Variants in AGMO observed in about 807,000 individuals in gnomAD.
The protein encoded by AGMO is alkylglycerol monooxygenase.
A neutral mutation model predicts 60.2 loss-of-function variants in AGMO; 75 were observed. That is an observed-to-expected ratio of 1.25 (90% CI 1.03 to 1.51). The LOEUF (loss-of-function observed/expected upper bound fraction) is 1.51. AGMO is among the 40% of genes most tolerant of loss of function. AGMO has a pLI of 0.00. For missense variants in AGMO, 763 were observed against 525.5 expected (o/e 1.45, Z -4.42); for synonymous variants, 261 against 177.1 (o/e 1.47, Z -3.76).
intron 3 of AGMO, among the ~76,000 whole-genome samples, chr7:15,450,301 T>A (rs1265636642): frequency 6.6e-6 from 1 of 151,258 alleles, no homozygotes; most frequent in African/African-American, 2.4e-5. Context: ...GCGCATGTAG[T>A]CCCAGCGACT....
intron 5 of AGMO, among the ~76,000 whole-genome samples, chr7:15,405,353 C>G (rs1465742071): frequency 6.6e-6 from 1 of 151,872 alleles, no homozygotes; most frequent in African/African-American, 2.4e-5. Context: ...TTATTATCCT[C>G]AAGATGTTTA....
intron 12 of AGMO, among the ~76,000 whole-genome samples, chr7:15,354,384 GTGTGTGT>G (rs1782394137): frequency 2.0e-4 from 1 of 4,970 alleles, no homozygotes; most frequent in Non-Finnish European, 4.7e-4. Context: ...GTGTATACAC[GTGTGTGT>G]ATACACGTGT....
At chr7:15,530,791 TAC>T (rs1784294425) in intron 3 of AGMO, among the ~76,000 whole-genome samples, 2 of 116,930 alleles carry the variant, frequency 1.7e-5, no homozygotes, top group African/African-American at 7.8e-5. Context: ...ATTCTATATA[TAC>T]ATTTCTCTAT....
chr7:15,126,747 G>A, the AGMO span, among the ~76,000 whole-genome samples: 2 of 152,092 alleles, frequency 1.3e-5, no homozygotes, highest in Non-Finnish European at 2.9e-5. Flanking sequence ...ACCCTGCAAA[G>A]CTGTCCCTTG....
intron 3 of AGMO, among the ~76,000 whole-genome samples, chr7:15,511,970 A>G (rs1783685562): frequency 6.6e-6 from 1 of 151,160 alleles, no homozygotes; most frequent in Non-Finnish European, 1.5e-5. Context: ...CTCCAGAATC[A>G]TGGGGAAATA....
At chr7:15,485,331 A>C (rs572819806) in intron 3 of AGMO, among the ~76,000 whole-genome samples, 1 of 152,176 alleles carries the variant, frequency 6.6e-6, no homozygotes, top group South Asian at 2.1e-4. Context: ...AAAAAGAAAA[A>C]AAGAAAAATG....
chr7:15,368,177 G>C (rs1221222837), intron 10 of AGMO, among the ~76,000 whole-genome samples: 1 of 151,888 alleles, frequency 6.6e-6, no homozygotes, highest in Non-Finnish European at 1.5e-5. Context: ...GATACAGGAT[G>C]GGTGAGTCAG....
At chr7:15,173,823 CT>C in the AGMO span, among the ~76,000 whole-genome samples, 67 of 143,944 alleles carry the variant, frequency 4.7e-4, no homozygotes, top group South Asian at 2.2e-3. Flanking sequence ...GTATTTCTTT[CT>C]TTTTTTTTTC....
intron 3 of AGMO, among the ~76,000 whole-genome samples, chr7:15,477,522 TAA>T (rs769722823): frequency 2.0e-5 from 3 of 152,122 alleles, no homozygotes; most frequent in Non-Finnish European, 4.4e-5. Flanking sequence ...ATAGAATTTT[TAA>T]AAGTTTCTTA....
intron 3 of AGMO, among the ~76,000 whole-genome samples, chr7:15,494,287 C>A (rs1215013499): frequency 6.6e-6 from 1 of 152,280 alleles, no homozygotes; most frequent in South Asian, 2.1e-4. Context: ...TATTTGAGCA[C>A]AGCTATGCTC....
At chr7:15,422,057 TAA>T (rs949627764) in intron 4 of AGMO, among the ~76,000 whole-genome samples, 5 of 151,350 alleles carry the variant, frequency 3.3e-5, no homozygotes, top group Admixed American at 2.6e-4. Context: ...TGAAAAAAAA[TAA>T]GTGAGATGGA....
At chr7:15,319,613 C>T (rs949446442) in intron 12 of AGMO, among the ~76,000 whole-genome samples, 6 of 151,974 alleles carry the variant, frequency 3.9e-5, no homozygotes, top group South Asian at 2.1e-4. Flanking sequence ...GGGAAAGTGA[C>T]GTTTTCCGAA....
chr7:15,259,681 G>A (rs1379614149), intron 12 of AGMO, among the ~76,000 whole-genome samples: 1 of 151,824 alleles, frequency 6.6e-6, no homozygotes. Context: ...ACCTATAAAG[G>A]AAAACCTATC....
At chr7:15,448,576 C>T (rs1781767942) in intron 3 of AGMO, among the ~76,000 whole-genome samples, 1 of 151,442 alleles carries the variant, frequency 6.6e-6, no homozygotes, top group African/African-American at 2.4e-5. Flanking sequence ...TCAAACTGAC[C>T]CTAAAAGCAA....
chr7:15,154,348 G>C, the AGMO span, among the ~76,000 whole-genome samples: 1 of 152,012 alleles, frequency 6.6e-6, no homozygotes. Flanking sequence ...ATTTCTACAA[G>C]GAAAACTCCA....
At chr7:15,281,171 T>C (rs981745477) in intron 12 of AGMO, among the ~76,000 whole-genome samples, 3 of 152,068 alleles carry the variant, frequency 2.0e-5, no homozygotes, top group Non-Finnish European at 4.4e-5. Flanking sequence ...GAAAGTTTCA[T>C]TCAGCAGAGA....
chr7:15,135,162 TTGTG>T, the AGMO span, among the ~76,000 whole-genome samples: 7,358 of 102,028 alleles, frequency 0.072, 273 homozygotes, highest in African/African-American at 0.13. Context: ...TTATATGAGT[TTGTG>T]TGTGTGTGTG....
At chr7:15,428,373 A>G (rs1449076729) in intron 4 of AGMO, among the ~76,000 whole-genome samples, 1 of 152,188 alleles carries the variant, frequency 6.6e-6, no homozygotes, top group Non-Finnish European at 1.5e-5. Context: ...AAAAATATTT[A>G]GCAGCTTGTC....
At chr7:15,529,638 A>ATTC (rs1784235045) in intron 3 of AGMO, among the ~76,000 whole-genome samples, 6 of 12,294 alleles carry the variant, frequency 4.9e-4, no homozygotes, top group African/African-American at 2.6e-3. Context: ...TATAGAATAT[A>ATTC]TATATATACT....
Sources: gnomAD v4.1 joint callset for allele counts (sites outside exome capture counted in the v4.1 genomes callset) on GRCh38, gnomAD v4.1.1 for gene constraint, MANE v1.5 for transcripts, NCBI Gene and HGNC (gene_info 2026-07-23, HGNC 2026-07-21) for gene names.